The following AHCYL2 variants were observed in gnomAD, a reference collection of about 807,000 sequenced individuals.
The protein encoded by AHCYL2 is S-adenosylhomocysteine hydrolase-like protein 2.
A neutral mutation model predicts 81.4 loss-of-function variants in AHCYL2; 28 were observed. The observed-to-expected ratio is 0.34, with a 90% CI of 0.25 to 0.47. The LOEUF (loss-of-function observed/expected upper bound fraction) is 0.47. Ranked by LOEUF, AHCYL2 falls within the 20% of genes least tolerant of loss-of-function variation. The pLI, the probability that AHCYL2 is intolerant of heterozygous loss-of-function variation, is 1.00. For synonymous variants in AHCYL2, 272 were observed against 290.2 expected (o/e 0.94, Z 0.64); for missense variants, 551 against 785.1 (o/e 0.70, Z 3.56).
chr7:129,398,948 C>T (rs1273968127), intron 5 of AHCYL2, among the ~76,000 whole-genome samples: 3 of 151,804 alleles, frequency 2.0e-5, no homozygotes, highest in Non-Finnish European at 2.9e-5. Context: ...TCAAGACCAG[C>T]GTGGCCAACA....
At chr7:129,425,018 A>C in intron 14 of AHCYL2, 45 bp from the exon 15 acceptor site, 1 of 1,611,158 alleles carries the variant, frequency 6.2e-7, no homozygotes, top group Non-Finnish European at 8.5e-7. Context: ...GCTTGGGTAG[A>C]TTGCCATGAA....
Position 129,400,393 on chromosome 7 carries a change from G to T in AHCYL2, c.918+9G>T. 6.2e-7 allele frequency: 1 copy of T among 1,612,450 alleles called. No homozygotes were observed. The highest frequency in any genetic ancestry group is 8.5e-7 in the Non-Finnish European group (1 of 1,178,854). On this transcript the variant is annotated intron_variant, in intron 6 of 16. Coordinates refer to ENST00000325006, the MANE Select transcript of AHCYL2 (RefSeq NM_015328.4). ...GCTGGCAGCCAAACATGGTGGGTCAGATTTCTGCTAACACAATTCTGTAGG... is the reference window on the plus strand; with the variant it reads ...GCTGGCAGCCAAACATGGTGGGTCATATTTCTGCTAACACAATTCTGTAGG...
At chr7:129,304,593 A>G (rs1422061903) in intron 1 of AHCYL2, among the ~76,000 whole-genome samples, 1 of 152,200 alleles carries the variant, frequency 6.6e-6, no homozygotes, top group Non-Finnish European at 1.5e-5. Flanking sequence ...TAAAATGGCT[A>G]CATCTTCTTG....
At chr7:129,326,526 AAAAC>A (rs999855754) in intron 1 of AHCYL2, among the ~76,000 whole-genome samples, 21 of 152,074 alleles carry the variant, frequency 1.4e-4, no homozygotes, top group African/African-American at 1.9e-4. Flanking sequence ...ACGCCAACTC[AAAAC>A]AAACAAACAA....
rs187310061 is a variant in AHCYL2 at position 129,240,420 on chromosome 7, A to G, written c.363+14981A>G. 2.1e-4 allele frequency among the ~76,000 whole-genome samples: 32 copies of G among 152,134 alleles called. No individual in the cohort carries two copies. In the East Asian group the frequency reaches 6.2e-3, roughly 29 times the overall value. ...ACTAAGGTTTTCATGGAGCGTGAAT[A>G]GTGTTCTCCACAGTTATTTTGAGGA... On this transcript the variant is annotated intron_variant, in intron 1 of 16. Transcript: ENST00000325006.
intron 1 of AHCYL2, chr7:129,367,978 A>G (rs1468903794): frequency 1.8e-5 from 8 of 442,018 alleles, no homozygotes; most frequent in African/African-American, 2.1e-5. Context: ...TTTCAAGGAA[A>G]CGCCTGTTTA....
chr7:129,416,725 G>A (rs1476860912), intron 12 of AHCYL2, among the ~76,000 whole-genome samples: 1 of 152,052 alleles, frequency 6.6e-6, no homozygotes, highest in Non-Finnish European at 1.5e-5. Flanking sequence ...GCTTGAACCC[G>A]AGAGGCGGAG....
At chr7:129,316,346 T>C (rs1291379240) in intron 1 of AHCYL2, among the ~76,000 whole-genome samples, 3 of 152,160 alleles carry the variant, frequency 2.0e-5, no homozygotes, top group Non-Finnish European at 4.4e-5. Flanking sequence ...GGTGTTAACA[T>C]TGGAAGAAGA....
chr7:129,327,530 G>A (rs911689310), intron 1 of AHCYL2, among the ~76,000 whole-genome samples: 12 of 151,900 alleles, frequency 7.9e-5, no homozygotes, highest in Non-Finnish European at 1.6e-4. Flanking sequence ...GCAGTGGCGC[G>A]ATCTTGGCTT....
intron 13 of AHCYL2, 37 bp downstream of exon 13, chr7:129,422,975 A>C (rs201345908): frequency 1.7e-4 from 277 of 1,582,962 alleles, no homozygotes; most frequent in Non-Finnish European, 2.3e-4. Context: ...CCCCCACAAC[A>C]GGAGAGACTG....
chr7:129,389,445 C>A (rs1378738706), intron 3 of AHCYL2, among the ~76,000 whole-genome samples, 189 bp from the exon 4 acceptor site: 1 of 149,224 alleles, frequency 6.7e-6, no homozygotes, highest in African/African-American at 2.5e-5. Context: ...AGAATCAGAA[C>A]CCTGGAGCAT....
rs545180577 is a variant in AHCYL2, at chr7:129,363,519, A to T, written c.364-16119A>T. Among the ~76,000 whole-genome samples the T allele has an allele frequency of 1.1e-4, 16 of 152,276 alleles. No individual in the cohort carries two copies. The Middle Eastern group carries it at 0.014, about 129-fold the overall frequency. On this transcript the variant is annotated intron_variant, in intron 1 of 16. Transcript: ENST00000325006. ...AAAGTCATAACTAAAAACAACACTT[A>T]GTTTAGCCTGCCAAAGTGATATATT...
chr7:129,236,494 C>T (rs537498533), intron 1 of AHCYL2, among the ~76,000 whole-genome samples: 32 of 152,050 alleles, frequency 2.1e-4, no homozygotes, highest in African/African-American at 7.5e-4. Context: ...AGCCAATGTA[C>T]CTGGCCCAGC....
intron 1 of AHCYL2, among the ~76,000 whole-genome samples, chr7:129,258,919 A>C (rs953767949): frequency 6.6e-6 from 1 of 152,170 alleles, no homozygotes; most frequent in East Asian, 1.9e-4. Context: ...TTGTTAGGGC[A>C]TTCCTTTATT....
At chr7:129,267,462 G>C (rs963679424) in intron 1 of AHCYL2, among the ~76,000 whole-genome samples, 1 of 151,974 alleles carries the variant, frequency 6.6e-6, no homozygotes, top group African/African-American at 2.4e-5. Context: ...CTGCCACCAT[G>C]CCTGGCTAAT....
At chr7:129,408,666 TA>T (rs1257888529) in intron 10 of AHCYL2, among the ~76,000 whole-genome samples, 4 of 152,156 alleles carry the variant, frequency 2.6e-5, no homozygotes, top group African/African-American at 9.7e-5. Flanking sequence ...GTTACAAATG[TA>T]AAAATCAGCC....
chr7:129,328,156 G>C (rs1798291937), intron 1 of AHCYL2, among the ~76,000 whole-genome samples: 1 of 152,016 alleles, frequency 6.6e-6, no homozygotes, highest in South Asian at 2.1e-4. Flanking sequence ...GGCTAGTTAT[G>C]CTGCATTTCC....
chr7:129,243,147 A>T (rs1314771697), intron 1 of AHCYL2, among the ~76,000 whole-genome samples: 1 of 149,676 alleles, frequency 6.7e-6, no homozygotes, highest in Non-Finnish European at 1.5e-5. Context: ...CAGCCTCCTG[A>T]GTAGCTGGGA....
chr7:129,228,279 G>C (rs532603707), intron 1 of AHCYL2, among the ~76,000 whole-genome samples: 102 of 152,234 alleles, frequency 6.7e-4, no homozygotes, highest in African/African-American at 7.2e-5. Flanking sequence ...CATATCATCA[G>C]TTTTCTTAGT....
Sources: gnomAD v4.1 joint callset for allele counts (sites outside exome capture counted in the v4.1 genomes callset) on GRCh38, gnomAD v4.1.1 for gene constraint, MANE v1.5 for transcripts, NCBI Gene and HGNC (gene_info 2026-07-23, HGNC 2026-07-21) for gene names.